FBXL18: variants seen among roughly 807,000 people sequenced by gnomAD.
FBXL18 encodes F-box and leucine rich repeat protein 18, also known as F-box/LRR-repeat protein 18.
FBXL18 carries 36 observed loss-of-function variants against 46.0 expected under a neutral mutation model. That is an observed-to-expected ratio of 0.78 (90% CI 0.60 to 1.03). The LOEUF is 1.03. Ranked by LOEUF, FBXL18 falls within the 50% of genes least tolerant of loss-of-function variation. The pLI is 0.00. For missense variants in FBXL18, 977 were observed against 1,004.1 expected, an observed-to-expected ratio of 0.97 and a Z score of 0.36; for synonymous variants, 557 against 465.3, an observed-to-expected ratio of 1.20 and a Z score of -2.54.
Position 5,481,584 on chromosome 7 carries a change from G to T in FBXL18, c.*191C>A. On this transcript the variant is annotated 3_prime_UTR_variant, in exon 5 of 5. Transcript: ENST00000382368. Reference sequence around the variant, plus strand: ...CATGTCACCCAGAACGCATCCCCTCGACCTAAACTTCACAGAGCAACAGTC... The same window carrying T: ...CATGTCACCCAGAACGCATCCCCTCTACCTAAACTTCACAGAGCAACAGTC... The T allele has an allele frequency of 1.7e-6, 1 of 600,394 alleles. No homozygotes were observed. The highest frequency in any genetic ancestry group is 2.9e-6 in the Non-Finnish European group (1 of 345,050). The allele number at this position is 600,394 out of a possible 1,614,324, so 37.2% of individuals were successfully genotyped here.
At chr7:5,463,771 C>T (rs190313656) in intron 4 of FBXL18, among the ~76,000 whole-genome samples, 3,054 of 122,402 alleles carry the variant, frequency 0.025, 95 homozygotes, top group Admixed American at 0.093. Context: ...GACGGAGTCT[C>T]GCTCTGTCGC....
At position 5,491,165 on chromosome 7, in the gene FBXL18, G is replaced by A. The variant is rs941414469; in HGVS notation, c.2000+66C>T. On this transcript the variant is annotated intron_variant, in intron 4 of 4. Coordinates refer to ENST00000382368, the MANE Select transcript of FBXL18 (RefSeq NM_024963.6). ...TGGTAGGCACTCGGTGAAGGCTGGG[G>A]ACCAGGTCACGGGATGCTGGTGATT... is the stretch of plus-strand genomic sequence containing the variant. 47 of 1,420,154 alleles carry A rather than the reference G, an allele frequency of 3.3e-5. 1 individual carries two copies. The African/African-American group carries it at 4.2e-4, about 13-fold the overall frequency. The allele number at this position is 1,420,154 out of a possible 1,614,324, so 88.0% of individuals were successfully genotyped here. A position where few individuals can be genotyped will look rare whatever the true frequency, so the allele number is the denominator to read the frequency against.
downstream of FBXL18, among the ~76,000 whole-genome samples, chr7:5,472,709 G>A (rs998360564): frequency 2.0e-5 from 3 of 152,176 alleles, no homozygotes; most frequent in African/African-American, 7.2e-5. Flanking sequence ...GCTTCCAGGA[G>A]ACTTCAGTCC....
In FBXL18 at chr7:5,501,263, T is replaced by C; in HGVS notation, c.1006A>G (p.Ile336Val). 6.2e-7 allele frequency: 1 copy of C among 1,614,092 alleles called. No individual in the cohort carries two copies. The highest frequency in any genetic ancestry group is 8.5e-7 in the Non-Finnish European group (1 of 1,180,006). Residue 336 changes from isoleucine (I) to valine (V), a missense_variant, in exon 3 of 5, where the codon ATC (isoleucine) becomes GTC (valine). By Grantham distance (29) the Ile-to-Val change is conservative. Coordinates refer to ENST00000382368, the MANE Select transcript of FBXL18 (RefSeq NM_024963.6). Reference sequence around the variant, plus strand: ...CTCCGCAGGTCCTTCCCGCCGTTGATGACCTGCTGGATCAGATGGCCGCCT... The same window carrying C: ...CTCCGCAGGTCCTTCCCGCCGTTGACGACCTGCTGGATCAGATGGCCGCCT... ...LSGGHLIQQV[I>V]NGGKDLRSLA...
At chr7:5,471,574 C>T (rs1368663389), downstream of FBXL18, among the ~76,000 whole-genome samples, 2 of 149,308 alleles carry the variant, frequency 1.3e-5, no homozygotes, top group Non-Finnish European at 3.0e-5. Context: ...TCACGCCCGG[C>T]TAATTTTTTG....
chr7:5,490,172 CTG>C (rs1463619222), intron 4 of FBXL18: 1 of 1,351,676 alleles, frequency 7.4e-7, no homozygotes, highest in Non-Finnish European at 9.9e-7. Flanking sequence ...TCTCGCAACT[CTG>C]TGAACAGCTG....
rs868062527 is a variant in FBXL18 at position 5,501,914 on chromosome 7, G to A, written c.355C>T (p.Arg119Cys). 2.5e-6 allele frequency: 4 copies of A among 1,602,494 alleles called. No individual in the cohort carries two copies. Among genetic ancestry groups the A allele is most frequent in the South Asian group, 2.3e-5 (2 of 88,874 alleles). Residue 119 changes from arginine to cysteine, a missense_variant, in exon 3 of 5, where the codon CGC becomes TGC. Coordinates refer to ENST00000382368, the MANE Select transcript of FBXL18 (RefSeq NM_024963.6). ...GAGAGGTTCACCTTCACCAGGCTGC[G>A]GCAGCGGGCCACGTGTTCCACGGTG... ...GSTVEHVARC[R>C]SLVKVNLSGC...
At chr7:5,488,075 G>T (rs1311607420) in intron 4 of FBXL18, among the ~76,000 whole-genome samples, 1 of 152,240 alleles carries the variant, frequency 6.6e-6, no homozygotes, top group Non-Finnish European at 1.5e-5. Flanking sequence ...AAACACCAAA[G>T]AGCTGTGGAG....
rs1220933702 is a variant in FBXL18 at position 5,496,823 on chromosome 7, C to T, written c.1781+3665G>A. Among the ~76,000 whole-genome samples, 1 of 151,764 alleles carries T rather than the reference C, an allele frequency of 6.6e-6. No individual in the cohort carries two copies. Among genetic ancestry groups the T allele is most frequent in the African/African-American group, 2.4e-5 (1 of 41,312 alleles). On this transcript the variant is annotated intron_variant, in intron 3 of 4. Coordinates refer to ENST00000382368, the MANE Select transcript of FBXL18 (RefSeq NM_024963.6). The surrounding 1 kb of genome is among the most constrained non-coding windows in gnomAD (Gnocchi z 4.8). The stretch of plus-strand genomic sequence containing the variant: ...GGCGGATCACCTGAGGTCAGGAGTT[C>T]GAGACCAGCCTGGCCAACATGGTGA...
intron 4 of FBXL18, among the ~76,000 whole-genome samples, chr7:5,483,601 G>A (rs762309703): frequency 2.0e-5 from 3 of 151,152 alleles, no homozygotes; most frequent in East Asian, 3.9e-4. Context: ...AAAATTAGCC[G>A]GGCATGGTGG....
chr7:5,503,010 C>T (rs1784306187), intron 2 of FBXL18, among the ~76,000 whole-genome samples: 1 of 152,218 alleles, frequency 6.6e-6, no homozygotes, highest in Non-Finnish European at 1.5e-5. Flanking sequence ...CAGGTACAAA[C>T]AGCCCCAGTG....
At position 5,505,397 on chromosome 7, in the gene FBXL18, C is replaced by T; in HGVS notation, c.237+15G>A. The T allele has an allele frequency of 6.2e-7, 1 of 1,612,168 alleles. No homozygotes were observed. Among genetic ancestry groups the T allele is most frequent in the East Asian group, 2.2e-5 (1 of 44,836 alleles). ...TCTAGCTTGTTTCTCATCTCCTGCCCCCACGCCTGCTCACCTGATAGTCCT... is the reference window on the plus strand; with the variant it reads ...TCTAGCTTGTTTCTCATCTCCTGCCTCCACGCCTGCTCACCTGATAGTCCT... On this transcript the variant is annotated intron_variant, in intron 2 of 4. Coordinates refer to ENST00000382368, the MANE Select transcript of FBXL18 (RefSeq NM_024963.6).
rs1483785006 is a variant in FBXL18, at chr7:5,455,705, A to G, written c.2001-7862T>C. On this transcript the variant is annotated intron_variant and NMD_transcript_variant, in intron 4 of 6. Coordinates refer to the FBXL18 transcript ENST00000415009. The surrounding 1 kb of genome is among the most constrained non-coding windows in gnomAD (Gnocchi z 4.6). Reference sequence around the variant, plus strand: ...CTGTGAATTCGGGGAAGTGGGAAACAGAACTTTTTGGATGTCCCTAGATGG... The same window carrying G: ...CTGTGAATTCGGGGAAGTGGGAAACGGAACTTTTTGGATGTCCCTAGATGG... Among the ~76,000 whole-genome samples the G allele has an allele frequency of 6.6e-6, 1 of 152,020 alleles. No individual in the cohort carries two copies.
In FBXL18 at chr7:5,481,723, G is replaced by T. The variant is rs117256601; in HGVS notation, c.*52C>A. 34,111 of 1,593,538 alleles carry T rather than the reference G, an allele frequency of 0.021. 532 individuals carry two copies. Among genetic ancestry groups the T allele is most frequent in the Non-Finnish European group, 0.023 (26,892 of 1,166,768 alleles). On this transcript the variant is annotated 3_prime_UTR_variant, in exon 5 of 5. Transcript: ENST00000382368. The stretch of plus-strand genomic sequence containing the variant: ...AAACCAAGGGTCCCTGGCGTCCCAG[G>T]CTCCTGCAGCTTCTCGAGGTGACTG...
intron 4 of FBXL18, among the ~76,000 whole-genome samples, chr7:5,460,896 A>G (rs1783234829): frequency 6.6e-6 from 1 of 152,084 alleles, no homozygotes; most frequent in Non-Finnish European, 1.5e-5. Context: ...ACCTCCCTTC[A>G]TCCCTCACCA....
intron 1 of FBXL18, among the ~76,000 whole-genome samples, chr7:5,509,701 C>CAAAAAAAAAAAAA (rs761762119): frequency 3.7e-3 from 244 of 65,200 alleles, no homozygotes; most frequent in Admixed American, 5.7e-3. Flanking sequence ...GATTCCATCT[C>CAAAAAAAAAAAAA]AAAAAAAAAA....
At chr7:5,494,289 A>AG (rs1193314291) in intron 3 of FBXL18, among the ~76,000 whole-genome samples, 1 of 151,200 alleles carries the variant, frequency 6.6e-6, no homozygotes, top group Non-Finnish European at 1.5e-5. Flanking sequence ...AAAAAAAAAA[A>AG]TTAGCTGGGC....
At chr7:5,492,010 C>T (rs1038191970) in intron 3 of FBXL18, among the ~76,000 whole-genome samples, 3 of 151,156 alleles carry the variant, frequency 2.0e-5, no homozygotes, top group South Asian at 2.1e-4. Flanking sequence ...ACTTCAGCCA[C>T]GACAGATGGG....
chr7:5,471,555 A>C (rs893498511), downstream of FBXL18, among the ~76,000 whole-genome samples: 5 of 146,488 alleles, frequency 3.4e-5, no homozygotes, highest in African/African-American at 5.1e-5. Context: ...GGACTACAGG[A>C]GCCCGCCATC....
Sources: allele counts gnomAD v4.1 joint callset (sites outside exome capture counted in the v4.1 genomes callset), GRCh38; gene constraint gnomAD v4.1.1; non-coding constraint Gnocchi (gnomAD v3.1); transcripts MANE v1.5; gene names NCBI Gene and HGNC (gene_info 2026-07-23, HGNC 2026-07-21).